Variants in RNF2 observed in about 807,000 individuals in gnomAD.
The protein encoded by RNF2 is ring finger protein 2, also known as E3 ubiquitin-protein ligase RING2.
RNF2 carries 6 observed loss-of-function variants against 37.2 expected under a neutral mutation model. The ratio of observed to expected loss-of-function variants is 0.16; its 90% CI spans 0.09 to 0.32. RNF2 has a LOEUF of 0.32. Among genes scored for constraint, RNF2 ranks in the 10% least tolerant of loss-of-function variants. RNF2 has a pLI of 1.00. For synonymous variants in RNF2, 133 were observed against 132.7 expected, an observed-to-expected ratio of 1.00 and a Z score of -0.02; for missense variants, 251 against 404.0, an observed-to-expected ratio of 0.62 and a Z score of 3.25.
At chr1:185,089,311 G>T (rs557718060) in intron 2 of RNF2, among the ~76,000 whole-genome samples, 24 of 152,284 alleles carry the variant, frequency 1.6e-4, no homozygotes, top group African/African-American at 4.8e-4. Context: ...ATGGCCTGAG[G>T]TTCGGGACCC....
chr1:185,064,550 T>G (rs1650743490), intron 1 of RNF2, among the ~76,000 whole-genome samples: 1 of 152,244 alleles, frequency 6.6e-6, no homozygotes, highest in African/African-American at 2.4e-5. Context: ...TTGAAAACAT[T>G]GAAAGTTGAA....
intron 1 of RNF2, among the ~76,000 whole-genome samples, chr1:185,049,741 ATGGACCCGGTGC>A (rs1292813902): frequency 6.6e-6 from 1 of 151,858 alleles, no homozygotes; most frequent in Non-Finnish European, 1.5e-5. Flanking sequence ...AAGAGGTTCT[ATGGACCCGGTGC>A]TGGACTTTTG....
At chr1:185,048,048 A>G (rs1218665428) in intron 1 of RNF2, among the ~76,000 whole-genome samples, 1 of 152,066 alleles carries the variant, frequency 6.6e-6, no homozygotes, top group Non-Finnish European at 1.5e-5. Flanking sequence ...CTGTTTGCCT[A>G]CTGGTCTTCT....
intron 1 of RNF2, among the ~76,000 whole-genome samples, chr1:185,082,063 G>C (rs981946940): frequency 1.3e-5 from 2 of 152,088 alleles, no homozygotes; most frequent in African/African-American, 4.8e-5. Flanking sequence ...GCAATCCAAT[G>C]GTTCATTGTT....
chr1:185,078,531 A>ATCAGTTATC (rs1487404260), intron 1 of RNF2, among the ~76,000 whole-genome samples: 11 of 152,182 alleles, frequency 7.2e-5, no homozygotes, highest in Non-Finnish European at 1.6e-4. Context: ...TTAACTCATA[A>ATCAGTTATC]AGTATCAGCA....
chr1:185,073,620 T>A (rs965899359), intron 1 of RNF2, among the ~76,000 whole-genome samples: 5 of 152,230 alleles, frequency 3.3e-5, no homozygotes, highest in Admixed American at 6.5e-5. Flanking sequence ...TACCTGTGTA[T>A]GTTAAAATGC....
chr1:185,073,383 G>T (rs1571308775), intron 1 of RNF2, among the ~76,000 whole-genome samples: 1 of 152,162 alleles, frequency 6.6e-6, no homozygotes, highest in African/African-American at 2.4e-5. Flanking sequence ...GACACAGGCT[G>T]CTTTGAGAGG....
chr1:185,094,812 C>T (rs777791481), intron 4 of RNF2, among the ~76,000 whole-genome samples: 88 of 152,278 alleles, frequency 5.8e-4, no homozygotes, highest in Non-Finnish European at 1.1e-3. Context: ...CTGACATTAT[C>T]GTCTGATTTA....
At chr1:185,057,331 A>T (rs1272598650) in intron 1 of RNF2, among the ~76,000 whole-genome samples, 1 of 152,168 alleles carries the variant, frequency 6.6e-6, no homozygotes, top group Non-Finnish European at 1.5e-5. Flanking sequence ...AATAAAATCT[A>T]AATATAATTA....
intron 1 of RNF2, among the ~76,000 whole-genome samples, chr1:185,059,324 T>A (rs1236206987): frequency 5.3e-5 from 8 of 152,202 alleles, no homozygotes. Flanking sequence ...CATTCTTTGC[T>A]TATCTGTTCT....
intron 1 of RNF2, among the ~76,000 whole-genome samples, chr1:185,068,263 C>G (rs1186602886): frequency 6.6e-6 from 1 of 152,204 alleles, no homozygotes; most frequent in African/African-American, 2.4e-5. Flanking sequence ...GTTATAGTCA[C>G]TCTTACTTTG....
intron 1 of RNF2, among the ~76,000 whole-genome samples, chr1:185,055,333 A>G (rs575138009): frequency 1.3e-5 from 2 of 152,316 alleles, no homozygotes; most frequent in East Asian, 3.9e-4. Context: ...GTCCATGTCC[A>G]AAAAGTTTTA....
At chr1:185,075,696 C>A (rs762741830) in intron 1 of RNF2, among the ~76,000 whole-genome samples, 2 of 152,148 alleles carry the variant, frequency 1.3e-5, no homozygotes, top group Non-Finnish European at 2.9e-5. Flanking sequence ...CTAGACACTT[C>A]TAAACAATCA....
chr1:185,056,903 A>C (rs1210482747), intron 1 of RNF2, among the ~76,000 whole-genome samples: 1 of 152,180 alleles, frequency 6.6e-6, no homozygotes, highest in African/African-American at 2.4e-5. Context: ...GTACTTAATC[A>C]GTCTTATATT....
At chr1:185,097,688 C>T (rs75429623) in intron 4 of RNF2, among the ~76,000 whole-genome samples, 1,679 of 152,292 alleles carry the variant, frequency 0.011, 30 homozygotes, top group African/African-American at 0.037. Flanking sequence ...TGCACCACCA[C>T]GCCCAGCTAA....
chr1:185,085,149 T>TC (rs1557971233), intron 1 of RNF2, among the ~76,000 whole-genome samples: 1 of 141,430 alleles, frequency 7.1e-6, no homozygotes, highest in African/African-American at 2.6e-5. Context: ...CTTTTTCTTT[T>TC]TTTTTTTTTT....
At chr1:185,092,495 G>A (rs781305485) in intron 3 of RNF2, among the ~76,000 whole-genome samples, 13 of 152,276 alleles carry the variant, frequency 8.5e-5, no homozygotes, top group South Asian at 2.1e-4. Flanking sequence ...TTTTCTGTAA[G>A]TGTTTGATTG....
intron 1 of RNF2, among the ~76,000 whole-genome samples, chr1:185,082,345 C>CTTTTTTTTT (rs3036553): frequency 0.012 from 851 of 71,938 alleles, 166 homozygotes; most frequent in Non-Finnish European, 0.019. Context: ...CTCTGCAGAA[C>CTTTTTTTTT]TTTTTTTTTT....
intron 1 of RNF2, among the ~76,000 whole-genome samples, chr1:185,068,818 C>G (rs901446892): frequency 6.6e-6 from 1 of 152,170 alleles, no homozygotes; most frequent in Admixed American, 6.5e-5. Context: ...TACCTAAACT[C>G]TTTCTCCTTT....
Sources: gnomAD v4.1 joint callset for allele counts (sites outside exome capture counted in the v4.1 genomes callset) on GRCh38, gnomAD v4.1.1 for gene constraint, MANE v1.5 for transcripts, NCBI Gene and HGNC (gene_info 2026-07-23, HGNC 2026-07-21) for gene names.